The following BCAS1 variants were observed in gnomAD, a reference collection of about 807,000 sequenced individuals.
BCAS1 encodes the protein brain enriched myelin associated protein 1, also known as breast carcinoma-amplified sequence 1.
A neutral mutation model predicts 65.4 loss-of-function variants in BCAS1; 46 were observed. The ratio of observed to expected loss-of-function variants is 0.70; its 90% CI spans 0.55 to 0.90. The LOEUF (loss-of-function observed/expected upper bound fraction) is 0.90, where lower values mean the gene tolerates loss of function less well. Among genes scored for constraint, BCAS1 ranks in the 40% least tolerant of loss-of-function variants. The pLI is 0.00. For synonymous variants in BCAS1, 298 were observed against 293.5 expected, an observed-to-expected ratio of 1.02 and a Z score of -0.16; for missense variants, 793 against 771.2, an observed-to-expected ratio of 1.03 and a Z score of -0.33.
Position 53,944,905 on chromosome 20 carries a change from G to T in BCAS1, c.*17C>A. On this transcript the variant is annotated 3_prime_UTR_variant, in exon 13 of 13. Transcript: ENST00000688948. ...TCTTGGTGGCAGGAGAACCTGGTGG[G>T]AACCGTGCTGATTTGTTTACTTGGA... The T allele has an allele frequency of 6.2e-7, 1 of 1,612,568 alleles. No individual in the cohort carries two copies. The highest frequency in any genetic ancestry group is 2.2e-5 in the East Asian group (1 of 44,884).
intron 4 of BCAS1, among the ~76,000 whole-genome samples, chr20:53,999,806 C>T (rs2091012058): frequency 6.6e-6 from 1 of 152,186 alleles, no homozygotes; most frequent in Non-Finnish European, 1.5e-5. Flanking sequence ...TCTTGACTCA[C>T]TGCAACCTCT....
At position 53,992,538 on chromosome 20, in the gene BCAS1, C is replaced by T. The variant is rs773322955; in HGVS notation, c.1036G>A (p.Ala346Thr). The T allele has an allele frequency of 8.1e-6, 11 of 1,365,128 alleles. No individual in the cohort carries two copies. Among genetic ancestry groups the T allele is most frequent in the East Asian group, 9.1e-5 (2 of 21,970 alleles). 84.6% of individuals were successfully genotyped at this position (1,365,128 alleles called of 1,614,324 possible). A position where few individuals can be genotyped will look rare whatever the true frequency, so the allele number is the denominator to read the frequency against. The change falls in exon 7 of 13, where the codon GCC becomes ACC. Residue 346 changes from alanine (A) to threonine (T), a missense_variant. Ala to Thr is a moderately conservative substitution (Grantham distance 58). Transcript: ENST00000688948. The part of the protein sequence containing the change: ...KHLDSPRLGL[A>T]FRKFFRHKGA... ...TTATGCCTAAAGAATTTTCTAAAGG[C>T]GAGTCCTAGCCTGGGGCTATCCAGG...
In BCAS1 at chr20:53,995,017, C is replaced by A. The variant is rs1568855739; in HGVS notation, c.922G>T (p.Asp308Tyr). ...ACACACTTCCAACTACCTACCGTGT[C>A]TTCTGGGTCCTTTTTTGTTTCAGCT... is the stretch of plus-strand genomic sequence containing the variant. ...NKAETKKDPE[D>Y]TASKAESVCD... Residue 308 changes from aspartate to tyrosine, a missense_variant, in exon 6 of 13, where the codon GAC (aspartate) becomes TAC (tyrosine). Transcript: ENST00000688948. 1 of 1,613,438 alleles carries A rather than the reference C, an allele frequency of 6.2e-7. No individual in the cohort carries two copies.
chr20:54,065,322 A>G (rs1568938204), intron 1 of BCAS1, among the ~76,000 whole-genome samples: 1 of 152,192 alleles, frequency 6.6e-6, no homozygotes, highest in Non-Finnish European at 1.5e-5. Flanking sequence ...TGCTTTGCTA[A>G]ACGTTTTCTC....
At chr20:54,063,175 G>A (rs377004928) in intron 1 of BCAS1, among the ~76,000 whole-genome samples, 2 of 152,324 alleles carry the variant, frequency 1.3e-5, no homozygotes, top group Non-Finnish European at 2.9e-5. Context: ...GAAGCTCTAT[G>A]TAGACATCAG....
chr20:53,970,102 A>G (rs1176699158), intron 9 of BCAS1, among the ~76,000 whole-genome samples: 1 of 150,486 alleles, frequency 6.6e-6, no homozygotes, highest in Non-Finnish European at 1.5e-5. Context: ...CTTCGTGTGC[A>G]AAGACCTGGA....
chr20:53,974,259 C>T (rs554063807), intron 9 of BCAS1, among the ~76,000 whole-genome samples: 1 of 152,206 alleles, frequency 6.6e-6, no homozygotes, highest in Non-Finnish European at 1.5e-5. Flanking sequence ...GCTGTGGAAG[C>T]TTTGTTCTTT....
chr20:53,946,138 T>C (rs1568793255), intron 12 of BCAS1, among the ~76,000 whole-genome samples: 1 of 152,030 alleles, frequency 6.6e-6, no homozygotes, highest in Non-Finnish European at 1.5e-5. Context: ...AGTAGTAAAG[T>C]TAACCTTTTC....
Position 53,954,166 on chromosome 20 carries a change from G to A in BCAS1, c.1552-471C>T, listed in dbSNP as rs556047132. ...AGAGCTTTGCTGAAATGAGAGAGAG[G>A]CTGGTTCCCTTTCTGTTAGATCTGA... is the stretch of plus-strand genomic sequence containing the variant. On this transcript the variant is annotated intron_variant, in intron 11 of 12. Transcript: ENST00000688948. 2.6e-5 allele frequency among the ~76,000 whole-genome samples: 4 copies of A among 152,304 alleles called. No homozygotes were observed. In the South Asian group the frequency reaches 8.3e-4, roughly 32 times the overall value.
intron 10 of BCAS1, among the ~76,000 whole-genome samples, chr20:53,964,542 C>T (rs1180271305): frequency 6.6e-6 from 1 of 152,208 alleles, no homozygotes; most frequent in Non-Finnish European, 1.5e-5. Context: ...GAATCCAATT[C>T]TAAGAATCCA....
At chr20:54,058,392 C>T (rs981998217) in intron 2 of BCAS1, among the ~76,000 whole-genome samples, 1 of 152,078 alleles carries the variant, frequency 6.6e-6, no homozygotes, top group Non-Finnish European at 1.5e-5. Flanking sequence ...GGGGACCCCA[C>T]ACTCACAGGA....
At chr20:54,011,009 G>C (rs1465064684) in intron 4 of BCAS1, among the ~76,000 whole-genome samples, 1 of 152,108 alleles carries the variant, frequency 6.6e-6, no homozygotes, top group Non-Finnish European at 1.5e-5. Context: ...AATTGTGCTA[G>C]AGCAATTTGA....
chr20:53,986,462 G>C (rs1277590546), intron 7 of BCAS1, among the ~76,000 whole-genome samples: 1 of 151,732 alleles, frequency 6.6e-6, no homozygotes, highest in Non-Finnish European at 1.5e-5. Flanking sequence ...AGGTTCATCT[G>C]ACCTAACCTC....
At chr20:54,061,070 G>A (rs1158516872) in intron 1 of BCAS1, among the ~76,000 whole-genome samples, 4 of 152,114 alleles carry the variant, frequency 2.6e-5, no homozygotes, top group Non-Finnish European at 5.9e-5. Context: ...CTCTAATTTT[G>A]GAGTGCTTCA....
Position 54,027,180 on chromosome 20 carries a change from G to A in BCAS1, c.723+1212C>T, listed in dbSNP as rs554901866. On this transcript the variant is annotated intron_variant, in intron 4 of 12. Transcript: ENST00000688948. The stretch of plus-strand genomic sequence containing the variant: ...GGAAATAAGCTCTTTGAATCAAAAT[G>A]TATAGAAAACACAAGAATGCTGACA... Among the ~76,000 whole-genome samples, 18 of 152,336 alleles carry A rather than the reference G, an allele frequency of 1.2e-4. No homozygotes were observed. The South Asian group carries it at 3.7e-3, about 32-fold the overall frequency.
At chr20:53,950,873 G>A (rs2089497843) in intron 12 of BCAS1, among the ~76,000 whole-genome samples, 1 of 114,520 alleles carries the variant, frequency 8.7e-6, no homozygotes, top group Non-Finnish European at 1.9e-5. Flanking sequence ...TGTGAAAGCA[G>A]CTAGACAACA....
At chr20:53,945,658 T>C (rs1278232807) in intron 12 of BCAS1, among the ~76,000 whole-genome samples, 1 of 152,214 alleles carries the variant, frequency 6.6e-6, no homozygotes. Flanking sequence ...CTACACCAGA[T>C]TGGAAGCTGC....
intron 4 of BCAS1, among the ~76,000 whole-genome samples, chr20:53,999,443 G>A (rs937809671): frequency 6.6e-6 from 1 of 152,232 alleles, no homozygotes; most frequent in African/African-American, 2.4e-5. Context: ...GCAAGCGTAA[G>A]CATTAATTTG....
intron 9 of BCAS1, 85 bp from the exon 10 acceptor site, chr20:53,967,158 C>A (rs1290498895): frequency 4.3e-6 from 6 of 1,400,522 alleles, no homozygotes; most frequent in Non-Finnish European, 5.9e-6. Flanking sequence ...CCTTGTTGCC[C>A]CCCTGTCCAC....
Sources: allele counts gnomAD v4.1 joint callset (sites outside exome capture counted in the v4.1 genomes callset), GRCh38; gene constraint gnomAD v4.1.1; transcripts MANE v1.5; gene names NCBI Gene and HGNC (gene_info 2026-07-23, HGNC 2026-07-21).